OTOF: variants seen among roughly 807,000 people sequenced by gnomAD.
The protein encoded by OTOF is otoferlin, also known as fer-1-like family member 2.
OTOF carries 218 observed loss-of-function variants against 236.8 expected under a neutral mutation model. The observed-to-expected ratio is 0.92, with a 90% CI of 0.82 to 1.03. The LOEUF (loss-of-function observed/expected upper bound fraction) is 1.03. OTOF is among the 50% of genes least tolerant of loss of function. The pLI is 0.00. For synonymous variants in OTOF, 1,041 were observed against 1,072.5 expected, an observed-to-expected ratio of 0.97 and a Z score of 0.57; for missense variants, 2,590 against 2,694.4, an observed-to-expected ratio of 0.96 and a Z score of 0.86.
In OTOF at chr2:26,470,584, A is replaced by G. The variant is rs1295094076; in HGVS notation, c.4023+9T>C. 1 of 1,613,936 alleles carries G rather than the reference A, an allele frequency of 6.2e-7. No individual in the cohort carries two copies. The highest frequency in any genetic ancestry group is 8.5e-7 in the Non-Finnish European group (1 of 1,179,904). On this transcript the variant is annotated intron_variant, in intron 32 of 46. Transcript: ENST00000272371. The surrounding 1 kb of genome is among the most constrained non-coding windows in gnomAD (Gnocchi z 4.3). Reference sequence around the variant, plus strand: ...GGGTCACCTCCCCTCACCCTACCCGAGGTCTCACCTCCTTCATGGTGTCAA... The same window carrying G: ...GGGTCACCTCCCCTCACCCTACCCGGGGTCTCACCTCCTTCATGGTGTCAA...
intron 11 of OTOF, among the ~76,000 whole-genome samples, chr2:26,488,944 AT>A (rs1365222783): frequency 6.6e-6 from 1 of 152,232 alleles, no homozygotes; most frequent in African/African-American, 2.4e-5. Context: ...AGAGCGTGTG[AT>A]GAAGCTCCTT....
Position 26,467,168 on chromosome 2 carries a change from C to CAAGT in OTOF, c.4289_4292dup (p.Arg1433AlafsTer8). ...CATCATCCCCGGTCTTGCCCCGAAGCAAGTTGAAAGTGTGCAGCCAGTCCT... is the reference window on the plus strand; with the variant it reads ...CATCATCCCCGGTCTTGCCCCGAAGCAAGTAAGTTGAAAGTGTGCAGCCAGTCCT... On this transcript the variant is annotated frameshift_variant, in exon 35 of 47. Coordinates refer to ENST00000272371, the MANE Select transcript of OTOF (RefSeq NM_194248.3). LOFTEE classifies it high-confidence loss of function. 1 of 1,614,126 alleles carries CAAGT rather than the reference C, an allele frequency of 6.2e-7. No homozygotes were observed. Among genetic ancestry groups the CAAGT allele is most frequent in the Non-Finnish European group, 8.5e-7 (1 of 1,180,026 alleles).
At position 26,483,458 on chromosome 2, in the gene OTOF, G is replaced by A. The variant is rs549133250; in HGVS notation, c.1392+4C>T. ...CCAGCCTCCTGTACCTCATACCCCA[G>A]TACCTTCTGGCCAGCAAAGAAGACT... On this transcript the variant is annotated splice_donor_region_variant and intron_variant, in intron 13 of 46. Coordinates refer to ENST00000272371, the MANE Select transcript of OTOF (RefSeq NM_194248.3). 1.9e-6 allele frequency: 3 copies of A among 1,613,400 alleles called. No individual in the cohort carries two copies. The African/African-American group carries it at 4.0e-5, about 22-fold the overall frequency.
intron 3 of OTOF, among the ~76,000 whole-genome samples, chr2:26,526,628 G>A (rs2148111765): frequency 6.6e-6 from 1 of 152,296 alleles, no homozygotes; most frequent in Middle Eastern, 3.4e-3. Context: ...ATAGGGTGGT[G>A]CCTACAGGAA....
At position 26,479,571 on chromosome 2, in the gene OTOF, T is replaced by G; in HGVS notation, c.1995A>C (p.Val665=). Residue 665 remains valine, a synonymous_variant, in exon 17 of 47, where the codon GTA becomes GTC. Coordinates refer to ENST00000272371, the MANE Select transcript of OTOF (RefSeq NM_194248.3). The part of the protein sequence containing the change: ...PRKEPGDEEE[V]DLIQNASDDE... ...CATCACTTGCGTTCTGAATCAGGTC[T>G]ACTTCTTCCTCATCCCCCGGCTCCT... 6.2e-7 allele frequency: 1 copy of G among 1,612,694 alleles called. No homozygotes were observed. Among genetic ancestry groups the G allele is most frequent in the Non-Finnish European group, 8.5e-7 (1 of 1,179,926 alleles).
intron 11 of OTOF, 81 bp from the exon 12 acceptor site, chr2:26,484,714 G>A: frequency 6.8e-7 from 1 of 1,465,480 alleles, no homozygotes; most frequent in Non-Finnish European, 9.5e-7. Flanking sequence ...CCAAGGGGTG[G>A]CAGAACCAAA....
At position 26,482,576 on chromosome 2, in the gene OTOF, T is replaced by G. The variant is rs763349716; in HGVS notation, c.1409A>C (p.Gln470Pro). ...CCACAGGGGCTCATAGCTGCTCTTC[T>G]GCACTGAAGTCTTGCCCTGGTGGAA... ...FAGQKGKTSVQKSSYEPLWNE... is the reference protein window; with the variant it reads ...FAGQKGKTSVPKSSYEPLWNE... Residue 470 changes from glutamine to proline, a missense_variant, in exon 14 of 47, where the codon CAG (glutamine) becomes CCG (proline). Physicochemically the swap from Gln to Pro is moderately conservative, Grantham distance 76 (BLOSUM62 -1). This residue lies in a region of OTOF where 1,379 missense variants were observed against 1,341.6 expected (regional missense o/e 1.03). Coordinates refer to ENST00000272371, the MANE Select transcript of OTOF (RefSeq NM_194248.3). 47 of 1,612,956 alleles carry G rather than the reference T, an allele frequency of 2.9e-5. No homozygotes were observed. Among genetic ancestry groups the G allele is most frequent in the Non-Finnish European group, 3.7e-5 (44 of 1,179,760 alleles).
At chr2:26,489,342 G>A (rs1351475166) in intron 10 of OTOF, 47 bp from the exon 11 acceptor site, 5 of 1,429,476 alleles carry the variant, frequency 3.5e-6, no homozygotes, top group Non-Finnish European at 4.9e-6. Flanking sequence ...GCAAGGGTGA[G>A]GCTTTCCATG....
chr2:26,539,131 A>G (rs1667149540), intron 1 of OTOF, among the ~76,000 whole-genome samples: 1 of 152,108 alleles, frequency 6.6e-6, no homozygotes, highest in Admixed American at 6.6e-5. Context: ...AACACCATTC[A>G]GTACATACTC....
Position 26,462,807 on chromosome 2 carries a change from G to A in OTOF, c.5193-626C>T, listed in dbSNP as rs1032661491. On this transcript the variant is annotated intron_variant, in intron 41 of 46. Coordinates refer to ENST00000272371, the MANE Select transcript of OTOF (RefSeq NM_194248.3). This position sits in a 1 kb window ranked among gnomAD's most constrained non-coding sequence, Gnocchi z 4.7. ...GGTCACTTGTCATAAAGAATTTCAAGATGGCAACATAGGAGCATGGAAACA... is the reference window on the plus strand; with the variant it reads ...GGTCACTTGTCATAAAGAATTTCAAAATGGCAACATAGGAGCATGGAAACA... 1.3e-5 allele frequency among the ~76,000 whole-genome samples: 2 copies of A among 152,244 alleles called. No individual in the cohort carries two copies. The highest frequency in any genetic ancestry group is 2.9e-5 in the Non-Finnish European group (2 of 68,042).
intron 1 of OTOF, among the ~76,000 whole-genome samples, chr2:26,542,308 C>T (rs1397025954): frequency 1.3e-5 from 2 of 152,220 alleles, no homozygotes; most frequent in East Asian, 3.8e-4. Context: ...GGCTTTCTAG[C>T]TCCTGGCTTG....
chr2:26,497,653 A>T (rs1272603266), intron 8 of OTOF, among the ~76,000 whole-genome samples: 1 of 152,108 alleles, frequency 6.6e-6, no homozygotes, highest in Admixed American at 6.5e-5. Flanking sequence ...TAATGAGAAC[A>T]TTGCCAGGAA....
intron 9 of OTOF, among the ~76,000 whole-genome samples, chr2:26,491,155 G>T: frequency 6.6e-6 from 1 of 152,166 alleles, no homozygotes; most frequent in East Asian, 1.9e-4. Context: ...GGCGTGAGGG[G>T]CCCCCAAGAG....
At chr2:26,503,379 T>A (rs945228033) in intron 6 of OTOF, among the ~76,000 whole-genome samples, 6 of 152,210 alleles carry the variant, frequency 3.9e-5, no homozygotes, top group Non-Finnish European at 7.3e-5. Context: ...GGCTGCAGCC[T>A]GGTGAGAGCG....
chr2:26,556,979 T>C (rs1667600824), intron 1 of OTOF, among the ~76,000 whole-genome samples: 1 of 152,154 alleles, frequency 6.6e-6, no homozygotes, highest in African/African-American at 2.4e-5. Flanking sequence ...TCCAGGGTGC[T>C]GCAGAGAAAG....
rs962046807 is a variant in OTOF at position 26,477,362 on chromosome 2, C to G, written c.2406+54G>C. ...GGCCATGACAAAGGGGGTTGTGACA[C>G]CTTCTCACAACCAGGCCCTCCCTCC... On this transcript the variant is annotated intron_variant, in intron 20 of 46. Transcript: ENST00000272371. The surrounding 1 kb of genome is among the most constrained non-coding windows in gnomAD (Gnocchi z 4.7). The G allele has an allele frequency of 1.3e-6, 2 of 1,567,638 alleles. No homozygotes were observed. The highest frequency in any genetic ancestry group is 2.3e-5 in the East Asian group (1 of 43,418).
At chr2:26,543,297 C>T (rs574835102) in intron 1 of OTOF, among the ~76,000 whole-genome samples, 19 of 152,338 alleles carry the variant, frequency 1.2e-4, no homozygotes, top group Admixed American at 3.3e-4. Flanking sequence ...CCCGGCACAA[C>T]GGCCCATGGT....
Position 26,461,690 on chromosome 2 carries a change from C to A in OTOF, c.5533+6G>T. The A allele has an allele frequency of 6.2e-7, 1 of 1,613,780 alleles. No homozygotes were observed. The highest frequency in any genetic ancestry group is 1.1e-5 in the South Asian group (1 of 91,068). ...CCTGAACCCCCATCCCTGCCCTGCT[C>A]TGCACCCAGGAAGTCGTCAGCGGAG... On this transcript the variant is annotated splice_donor_region_variant and intron_variant, in intron 43 of 46. Transcript: ENST00000272371. The surrounding 1 kb of genome is among the most constrained non-coding windows in gnomAD (Gnocchi z 6.2).
intron 29 of OTOF, among the ~76,000 whole-genome samples, chr2:26,472,919 C>T (rs1333109077): frequency 6.6e-6 from 1 of 152,176 alleles, no homozygotes; most frequent in African/African-American, 2.4e-5. Context: ...GCCCTCAGGC[C>T]CCCCCAGGCT....
Sources: allele counts gnomAD v4.1 joint callset (sites outside exome capture counted in the v4.1 genomes callset), GRCh38; gene constraint gnomAD v4.1.1; regional missense constraint gnomAD v4.1.1; non-coding constraint Gnocchi (gnomAD v3.1); transcripts MANE v1.5; gene names NCBI Gene and HGNC (gene_info 2026-07-23, HGNC 2026-07-21).